MCU: variants seen among roughly 807,000 people sequenced by gnomAD.
The protein encoded by MCU is calcium uniporter protein, mitochondrial.
A neutral mutation model predicts 45.2 loss-of-function variants in MCU; 12 were observed. The ratio of observed to expected loss-of-function variants is 0.27; its 90% CI spans 0.17 to 0.43. MCU has a LOEUF of 0.43. MCU is among the 20% of genes least tolerant of loss of function. The pLI is 1.00. For missense variants in MCU, 324 were observed against 436.7 expected (o/e 0.74, Z 2.30); for synonymous variants, 160 against 165.1 (o/e 0.97, Z 0.24).
At chr10:72,868,599 G>T in intron 4 of MCU, 104 bp from the exon 5 acceptor site, 2 of 964,524 alleles carry the variant, frequency 2.1e-6, no homozygotes, top group African/African-American at 1.7e-5. Context: ...GTTTAACACT[G>T]AAGGTGAGAT....
At chr10:72,824,777 G>A (rs1385528474) in intron 1 of MCU, among the ~76,000 whole-genome samples, 1 of 152,094 alleles carries the variant, frequency 6.6e-6, no homozygotes, top group East Asian at 1.9e-4. Flanking sequence ...CATTGCAGGG[G>A]AATAAGAAAG....
At chr10:72,827,983 G>C (rs1844823120) in intron 1 of MCU, among the ~76,000 whole-genome samples, 1 of 152,150 alleles carries the variant, frequency 6.6e-6, no homozygotes, top group Non-Finnish European at 1.5e-5. Flanking sequence ...CAACTTTACT[G>C]TATCAGGGAT....
chr10:72,820,409 TG>T (rs1369601566), intron 1 of MCU, among the ~76,000 whole-genome samples: 2 of 152,238 alleles, frequency 1.3e-5, no homozygotes, highest in African/African-American at 4.8e-5. Context: ...TCATAGTTGC[TG>T]TAGGGTAAAC....
chr10:72,847,470 G>C (rs935670579), intron 2 of MCU, among the ~76,000 whole-genome samples: 3 of 152,080 alleles, frequency 2.0e-5, no homozygotes, highest in African/African-American at 7.2e-5. Context: ...TCAAAAGCCA[G>C]AAATAGGTAG....
chr10:72,853,836 C>T (rs1172698379), intron 2 of MCU, among the ~76,000 whole-genome samples: 1 of 151,380 alleles, frequency 6.6e-6, no homozygotes, highest in East Asian at 2.0e-4. Context: ...GACCCTGTCT[C>T]TACAAAAATA....
chr10:72,766,235 C>T (rs751281203), intron 1 of MCU, among the ~76,000 whole-genome samples: 6 of 152,110 alleles, frequency 3.9e-5, no homozygotes, highest in Non-Finnish European at 7.4e-5. Context: ...TTTCAAGTAC[C>T]TTTTGTGTGG....
intron 1 of MCU, among the ~76,000 whole-genome samples, chr10:72,739,697 ATT>A (rs748921054): frequency 1.5e-4 from 21 of 141,162 alleles, no homozygotes; most frequent in Admixed American, 2.8e-4. Context: ...GAACATTAAG[ATT>A]TTTTTTTTTT....
In MCU at chr10:72,793,358, G is replaced by C. The variant is rs181002288; in HGVS notation, c.151-41001G>C. 2.0e-5 allele frequency among the ~76,000 whole-genome samples: 3 copies of C among 152,124 alleles called. No homozygotes were observed. The East Asian group carries it at 5.8e-4, about 29-fold the overall frequency. Reference sequence around the variant, plus strand: ...CAACCAACAAAAGGAAGAAATGGAGGAACTATTAAAATATTTTTATAGAAG... The same window carrying C: ...CAACCAACAAAAGGAAGAAATGGAGCAACTATTAAAATATTTTTATAGAAG... On this transcript the variant is annotated intron_variant, in intron 1 of 7. Coordinates refer to ENST00000373053, the MANE Select transcript of MCU (RefSeq NM_138357.3).
intron 1 of MCU, among the ~76,000 whole-genome samples, chr10:72,773,540 G>A (rs1843843911): frequency 6.6e-6 from 1 of 152,134 alleles, no homozygotes; most frequent in African/African-American, 2.4e-5. Flanking sequence ...AGAGGGAGCT[G>A]AGCAAGAGGA....
At chr10:72,850,209 T>C (rs1391287533) in intron 2 of MCU, among the ~76,000 whole-genome samples, 2 of 152,198 alleles carry the variant, frequency 1.3e-5, no homozygotes, top group African/African-American at 4.8e-5. Flanking sequence ...CTGTTATTCT[T>C]AGCTGCAAAA....
At position 72,839,091 on chromosome 10, in the gene MCU, G is replaced by C. The variant is rs569862577; in HGVS notation, c.220+4663G>C. On this transcript the variant is annotated intron_variant, in intron 2 of 7. Transcript: ENST00000373053. The stretch of plus-strand genomic sequence containing the variant: ...TGCAACCTCTGCCTCCTGGGTTCAA[G>C]CAATTCTCGTGCCTCAGCCTCCCTA... Among the ~76,000 whole-genome samples, 4 of 151,976 alleles carry C rather than the reference G, an allele frequency of 2.6e-5. No individual in the cohort carries two copies. In the South Asian group the frequency reaches 8.3e-4, roughly 32 times the overall value.
rs766035793 is a variant in MCU, at chr10:72,859,314, C to T, written c.358C>T (p.Arg120Trp). 4.3e-6 allele frequency: 7 copies of T among 1,613,338 alleles called. No homozygotes were observed. The highest frequency in any genetic ancestry group is 3.3e-5 in the South Asian group (3 of 90,904). ...VFLRQLQEED[R>W]GIDRVAIYSP... ...TTTACGACAACTGCAAGAAGAGGATCGGGGAATTGACAGAGTTGCTATCTA... is the reference window on the plus strand; with the variant it reads ...TTTACGACAACTGCAAGAAGAGGATTGGGGAATTGACAGAGTTGCTATCTA... Residue 120 changes from arginine (R) to tryptophan (W), a missense_variant, in exon 3 of 8, where the codon CGG becomes TGG. Physicochemically the swap from Arg to Trp is moderately radical, Grantham distance 101. This residue lies in a region of MCU where 135 missense variants were observed against 207.3 expected (regional missense o/e 0.65). Transcript: ENST00000373053.
At chr10:72,820,490 C>T (rs1308749586) in intron 1 of MCU, among the ~76,000 whole-genome samples, 1 of 151,320 alleles carries the variant, frequency 6.6e-6, no homozygotes, top group Non-Finnish European at 1.5e-5. Context: ...CCCTTCTGGA[C>T]TTCTTCATCA....
chr10:72,793,017 T>TA (rs1179162569), intron 1 of MCU, among the ~76,000 whole-genome samples: 2 of 152,096 alleles, frequency 1.3e-5, no homozygotes, highest in Non-Finnish European at 2.9e-5. Context: ...TAGCTGGGAT[T>TA]ACAGGCGCAT....
intron 1 of MCU, among the ~76,000 whole-genome samples, chr10:72,776,295 C>T (rs976322172): frequency 1.3e-5 from 2 of 151,992 alleles, no homozygotes; most frequent in South Asian, 2.1e-4. Context: ...GTATTATTGG[C>T]GAACATAGAT....
In MCU at chr10:72,878,781, G is replaced by A. The variant is rs570689177; in HGVS notation, c.862-5485G>A. 2.6e-5 allele frequency among the ~76,000 whole-genome samples: 4 copies of A among 152,246 alleles called. No homozygotes were observed. The South Asian group carries it at 8.3e-4, about 32-fold the overall frequency. On this transcript the variant is annotated intron_variant, in intron 6 of 7. Transcript: ENST00000373053. ...AGAAAGATGTAAAATATAGGAAAGG[G>A]TAAGAGACACAGTATACAGTGGAAA...
intron 2 of MCU, among the ~76,000 whole-genome samples, chr10:72,853,511 G>A (rs1916578): frequency 1 from 152,095 of 152,352 alleles, 75,922 homozygotes; most frequent in Middle Eastern, 1. Flanking sequence ...GTGACCTGTG[G>A]GACAATATCA....
At chr10:72,848,129 C>G (rs1332717580) in intron 2 of MCU, among the ~76,000 whole-genome samples, 6 of 152,142 alleles carry the variant, frequency 3.9e-5, no homozygotes, top group African/African-American at 1.4e-4. Context: ...GATGGTTCAA[C>G]TTATGGTTTT....
At position 72,779,765 on chromosome 10, in the gene MCU, C is replaced by T. The variant is rs145136766; in HGVS notation, c.151-54594C>T. ...TACACACTGCATGGCTATAATAATG[C>T]GACAGAAAATAACAAGTGTTAGTGA... On this transcript the variant is annotated intron_variant, in intron 1 of 7. Transcript: ENST00000373053. Among the ~76,000 whole-genome samples the T allele has an allele frequency of 8.4e-4, 128 of 152,162 alleles. 1 individual carries two copies. Among genetic ancestry groups the T allele is most frequent in the East Asian group, 6.2e-3 (32 of 5,168 alleles).
Sources: gnomAD v4.1 joint callset for allele counts (sites outside exome capture counted in the v4.1 genomes callset) on GRCh38, gnomAD v4.1.1 for gene constraint, gnomAD v4.1.1 regional missense constraint, MANE v1.5 for transcripts, NCBI Gene and HGNC (gene_info 2026-07-23, HGNC 2026-07-21) for gene names.